The following ARPC1A variants were observed in gnomAD, a reference collection of about 807,000 sequenced individuals.
The protein encoded by ARPC1A is actin related protein 2/3 complex subunit 1A.
A neutral mutation model predicts 46.9 loss-of-function variants in ARPC1A; 8 were observed. That is an observed-to-expected ratio of 0.17 (90% confidence interval 0.10 to 0.31). The LOEUF (loss-of-function observed/expected upper bound fraction) is 0.31. Among genes scored for constraint, ARPC1A ranks in the 10% least tolerant of loss-of-function variants. The pLI is 1.00. For missense variants in ARPC1A, 286 were observed against 483.6 expected, an observed-to-expected ratio of 0.59 and a Z score of 3.83; for synonymous variants, 152 against 169.0, an observed-to-expected ratio of 0.90 and a Z score of 0.78.
chr7:99,328,239 C>T (rs1046048954), intron 1 of ARPC1A, among the ~76,000 whole-genome samples: 3 of 152,076 alleles, frequency 2.0e-5, no homozygotes, highest in Non-Finnish European at 2.9e-5. Flanking sequence ...CATGGTGGCA[C>T]GTGCCTGTAA....
chr7:99,325,954 A>C lies in ARPC1A; in HGVS notation c.-80A>C, dbSNP rs2150854065. ...CGGAGCCTGTTCGCGTCGACTGCCC[A>C]GAGTCCGCGAATCCTCCGCTCCGAG... On this transcript the variant is annotated 5_prime_UTR_variant, in exon 1 of 10. Coordinates refer to ENST00000262942, the MANE Select transcript of ARPC1A (RefSeq NM_006409.4). 6.6e-6 allele frequency: 1 copy of C among 152,648 alleles called. No individual in the cohort carries two copies. The allele number at this position is 152,648 out of a possible 1,614,324, so 9.5% of individuals were successfully genotyped here. A position where few individuals can be genotyped will look rare whatever the true frequency, so the allele number is the denominator to read the frequency against.
intron 5 of ARPC1A, among the ~76,000 whole-genome samples, chr7:99,350,439 T>A (rs904837539): frequency 6.6e-6 from 1 of 152,210 alleles, no homozygotes; most frequent in African/African-American, 2.4e-5. Context: ...TATTTTGTCA[T>A]TAGCTTGAAG....
intron 9 of ARPC1A, among the ~76,000 whole-genome samples, chr7:99,364,420 G>T (rs551434691): frequency 1.8e-4 from 28 of 152,086 alleles, no homozygotes; most frequent in African/African-American, 6.5e-4. Context: ...TTACAGACAT[G>T]TGCCACCACG....
Position 99,354,100 on chromosome 7 carries a change from C to T in ARPC1A, c.692C>T (p.Ala231Val). 1 of 1,613,902 alleles carries T rather than the reference C, an allele frequency of 6.2e-7. No homozygotes were observed. Among genetic ancestry groups the T allele is most frequent in the Non-Finnish European group, 8.5e-7 (1 of 1,179,864 alleles). Reference protein sequence around the residue: ...WVSHDSTVSVADASKSVQVST... With the variant: ...WVSHDSTVSVVDASKSVQVST... ...AGCCACGACAGCACCGTGTCTGTTG[C>T]TGATGCCTCAAAAAGTGTGCAGTGA... is the stretch of plus-strand genomic sequence containing the variant. The change falls in exon 6 of 10, where the codon GCT becomes GTT. Residue 231 changes from alanine (A) to valine (V), a missense_variant. By Grantham distance (64) the Ala-to-Val change is moderately conservative (BLOSUM62 0). Around this residue, in one of 5 missense-constraint regions of ARPC1A, gnomAD observed 182 missense variants for 276.7 expected, o/e 0.66. Transcript: ENST00000262942.
At chr7:99,332,620 T>TTTG (rs1793162218) in intron 1 of ARPC1A, among the ~76,000 whole-genome samples, 1 of 152,042 alleles carries the variant, frequency 6.6e-6, no homozygotes, top group African/African-American at 2.4e-5. Flanking sequence ...TTTTTTTTTT[T>TTTG]TGAGACAGAA....
chr7:99,339,298 A>C (rs1054399284), intron 3 of ARPC1A, among the ~76,000 whole-genome samples: 1 of 152,170 alleles, frequency 6.6e-6, no homozygotes, highest in African/African-American at 2.4e-5. Flanking sequence ...CTGTAATCCC[A>C]GCACTTTGGG....
rs754366664 is a variant in ARPC1A, at chr7:99,330,867, G to T, written c.-29-2458G>T. Among the ~76,000 whole-genome samples, 27 of 152,286 alleles carry T rather than the reference G, an allele frequency of 1.8e-4. 1 individual carries two copies. Among genetic ancestry groups the T allele is most frequent in the South Asian group, 1.4e-3 (7 of 4,828 alleles). On this transcript the variant is annotated intron_variant, in intron 1 of 9. Coordinates refer to ENST00000262942, the MANE Select transcript of ARPC1A (RefSeq NM_006409.4). ...ATGATAAAGTTGGGGGTAGAGGAAG[G>T]CTGGCTGCTTTTTGAAAAATGTTCC...
chr7:99,342,090 G>A (rs1028746376), intron 3 of ARPC1A, among the ~76,000 whole-genome samples: 2 of 152,138 alleles, frequency 1.3e-5, no homozygotes, highest in East Asian at 1.9e-4. Flanking sequence ...AAGTGGAATA[G>A]TATAATGAGC....
intron 1 of ARPC1A, among the ~76,000 whole-genome samples, chr7:99,327,847 G>A (rs1793073742): frequency 1.3e-5 from 2 of 152,152 alleles, no homozygotes; most frequent in South Asian, 4.1e-4. Flanking sequence ...TGAATGTTGA[G>A]GAGGGTGTGG....
intron 5 of ARPC1A, among the ~76,000 whole-genome samples, chr7:99,353,440 G>A (rs1793579895): frequency 6.7e-6 from 1 of 149,240 alleles, no homozygotes; most frequent in Non-Finnish European, 1.5e-5. Flanking sequence ...TTACAGGCAT[G>A]AGCCACCGCA....
intron 5 of ARPC1A, among the ~76,000 whole-genome samples, chr7:99,351,893 T>C (rs1256638078): frequency 2.0e-5 from 3 of 152,070 alleles, no homozygotes; most frequent in Non-Finnish European, 4.4e-5. Context: ...GGCCAGAACA[T>C]CCTCAAACAC....
intron 2 of ARPC1A, among the ~76,000 whole-genome samples, chr7:99,334,628 CT>C (rs1793208311): frequency 6.6e-6 from 1 of 151,952 alleles, no homozygotes; most frequent in African/African-American, 2.4e-5. Flanking sequence ...GATAGGGTTC[CT>C]TTTGTATGTA....
At chr7:99,345,940 A>G (rs1178762092) in intron 4 of ARPC1A, among the ~76,000 whole-genome samples, 4 of 152,162 alleles carry the variant, frequency 2.6e-5, no homozygotes, top group Admixed American at 2.0e-4. Flanking sequence ...TGGGCCAGGT[A>G]CAGTGGCTCA....
chr7:99,332,142 A>C (rs973498585), intron 1 of ARPC1A, among the ~76,000 whole-genome samples: 1 of 152,118 alleles, frequency 6.6e-6, no homozygotes, highest in Non-Finnish European at 1.5e-5. Flanking sequence ...ATTAGATCTG[A>C]ATCTTGATTG....
intron 2 of ARPC1A, 37 bp from the exon 3 acceptor site, chr7:99,338,144 G>C (rs747757669): frequency 1.3e-6 from 2 of 1,483,858 alleles, no homozygotes; most frequent in South Asian, 2.3e-5. Flanking sequence ...ACAATTGCAA[G>C]TTCAGGTGTT....
intron 5 of ARPC1A, among the ~76,000 whole-genome samples, chr7:99,352,548 C>T (rs778285356): frequency 6.3e-4 from 95 of 151,388 alleles, no homozygotes; most frequent in Non-Finnish European, 1.0e-3. Context: ...CCCAGCTACT[C>T]GAGAGGCTGA....
chr7:99,333,737 T>C (rs1317693600), intron 2 of ARPC1A, among the ~76,000 whole-genome samples: 1 of 152,174 alleles, frequency 6.6e-6, no homozygotes, highest in Non-Finnish European at 1.5e-5. Context: ...TACTATGTTA[T>C]TCTTAGTCAG....
chr7:99,345,583 G>A (rs375112703), intron 4 of ARPC1A, among the ~76,000 whole-genome samples: 71 of 152,098 alleles, frequency 4.7e-4, no homozygotes, highest in African/African-American at 1.5e-3. Flanking sequence ...ACTTGAACTC[G>A]GAGGGCAGAG....
chr7:99,341,863 A>T, intron 3 of ARPC1A, among the ~76,000 whole-genome samples: 1 of 152,052 alleles, frequency 6.6e-6, no homozygotes, highest in East Asian at 1.9e-4. Context: ...GGGGCAGGAG[A>T]TCAAGGATCA....
Sources: gnomAD v4.1 joint callset for allele counts (sites outside exome capture counted in the v4.1 genomes callset) on GRCh38, gnomAD v4.1.1 for gene constraint, gnomAD v4.1.1 regional missense constraint, MANE v1.5 for transcripts, NCBI Gene and HGNC (gene_info 2026-07-23, HGNC 2026-07-21) for gene names.